The following LACRT variants were observed in gnomAD, a reference collection of about 807,000 sequenced individuals.
LACRT encodes the protein extracellular glycoprotein lacritin.
A neutral mutation model predicts 14.5 loss-of-function variants in LACRT; 14 were observed. The observed-to-expected ratio is 0.96, with a 90% confidence interval of 0.64 to 1.51. The LOEUF (loss-of-function observed/expected upper bound fraction) is 1.51, where lower values mean the gene tolerates loss of function less well. LACRT is among the 40% of genes most tolerant of loss of function. LACRT has a pLI of 0.00. For missense variants in LACRT, 156 were observed against 161.8 expected, an observed-to-expected ratio of 0.96 and a Z score of 0.19; for synonymous variants, 70 against 63.5, an observed-to-expected ratio of 1.10 and a Z score of -0.48.
chr12:54,632,594 G>C (rs1216897921), intron 2 of LACRT, among the ~76,000 whole-genome samples: 2 of 152,142 alleles, frequency 1.3e-5, no homozygotes, highest in Non-Finnish European at 1.5e-5. Context: ...ATTTGGACTA[G>C]GGGATGGTGA....
chr12:54,633,375 C>A (rs141197125), intron 1 of LACRT, 142 bp from the exon 2 acceptor site: 383 of 713,588 alleles, frequency 5.4e-4, no homozygotes, highest in African/African-American at 4.4e-3. Flanking sequence ...GTTGGACATG[C>A]CCTTCCACCA....
At chr12:54,634,287 T>A (rs1184160099) in intron 1 of LACRT, among the ~76,000 whole-genome samples, 1 of 147,100 alleles carries the variant, frequency 6.8e-6, no homozygotes, top group Non-Finnish European at 1.5e-5. Flanking sequence ...AGGAGGTGGA[T>A]GTTGCAGTGA....
In LACRT at chr12:54,632,395, A is replaced by G. The variant is rs764453594; in HGVS notation, c.113-14T>C. On this transcript the variant is annotated splice_polypyrimidine_tract_variant and intron_variant, in intron 2 of 4. Transcript: ENST00000257867. ...CATTAGGCTTAGCTGTGAATGCACA[A>G]ATTGATGGATTTTAGCAAAGTGAAA... 5.6e-6 allele frequency: 9 copies of G among 1,612,498 alleles called. No homozygotes were observed. Among genetic ancestry groups the G allele is most frequent in the Admixed American group, 1.7e-5 (1 of 59,768 alleles).
intron 1 of LACRT, among the ~76,000 whole-genome samples, chr12:54,634,184 C>T (rs1320452102): frequency 2.0e-5 from 3 of 152,052 alleles, no homozygotes; most frequent in Non-Finnish European, 4.4e-5. Context: ...GAAACACCGT[C>T]TCTACTAAAA....
At position 54,634,090 on chromosome 12, in the gene LACRT, C is replaced by T. The variant is rs140588783; in HGVS notation, c.58+694G>A. 8.4e-3 allele frequency among the ~76,000 whole-genome samples: 1,279 copies of T among 152,202 alleles called. 17 individuals carry two copies. Among genetic ancestry groups the T allele is most frequent in the African/African-American group, 0.029 (1,184 of 41,532 alleles). ...CATCCCAGCAGGGCACGGTGGCTCACGCCTGTAATTCCAACACTTTGGGAG... is the reference window on the plus strand; with the variant it reads ...CATCCCAGCAGGGCACGGTGGCTCATGCCTGTAATTCCAACACTTTGGGAG... On this transcript the variant is annotated intron_variant, in intron 1 of 4. Transcript: ENST00000257867.
intron 1 of LACRT, 148 bp downstream of exon 1, chr12:54,634,636 C>T (rs1958176068): frequency 1.3e-6 from 1 of 772,300 alleles, no homozygotes; most frequent in Non-Finnish European, 2.2e-6. Flanking sequence ...GTGCAGAGGC[C>T]ACGTGTGGAG....
chr12:54,632,472 G>A, intron 2 of LACRT, 91 bp from the exon 3 acceptor site: 1 of 1,439,822 alleles, frequency 6.9e-7, no homozygotes. Context: ...CCTAATGTGT[G>A]CTGGGTGCCA....
intron 1 of LACRT, among the ~76,000 whole-genome samples, chr12:54,634,158 A>G (rs948066227): frequency 4.6e-5 from 7 of 152,006 alleles, no homozygotes; most frequent in Admixed American, 1.3e-4. Context: ...TTCGAGACCA[A>G]CCTGGCCAAC....
rs1958178093 is a variant in LACRT, at chr12:54,634,884, G to A, written c.-43C>T. The A allele has an allele frequency of 6.6e-7, 1 of 1,524,060 alleles. No homozygotes were observed. Among genetic ancestry groups the A allele is most frequent in the Non-Finnish European group, 9.1e-7 (1 of 1,098,122 alleles). The allele number at this position is 1,524,060 out of a possible 1,614,324, so 94.4% of individuals were successfully genotyped here. On this transcript the variant is annotated 5_prime_UTR_variant, in exon 1 of 5. Transcript: ENST00000257867. The stretch of plus-strand genomic sequence containing the variant: ...GAGTATAACCACAGAATCTGCAGAA[G>A]GTCTGGGGAATAAGGATGCTGAAAT...
At position 54,633,223 on chromosome 12, in the gene LACRT, G is replaced by C; in HGVS notation, c.69C>G (p.Ser23=). The part of the protein sequence containing the change: ...AGALVYAEDA[S]SDSTGADPAQ... ...CAGGATCAGCACCCGTCGAGTCAGA[G>C]GAGGCATCTTCTGCAATGGGGGAAA... Residue 23 remains serine, a synonymous_variant, in exon 2 of 5, where the codon TCC becomes TCG. Transcript: ENST00000257867. 1 of 1,613,892 alleles carries C rather than the reference G, an allele frequency of 6.2e-7. No individual in the cohort carries two copies. The highest frequency in any genetic ancestry group is 8.5e-7 in the Non-Finnish European group (1 of 1,179,896).
chr12:54,634,690 G>T, intron 1 of LACRT, 94 bp downstream of exon 1: 1 of 1,182,840 alleles, frequency 8.5e-7, no homozygotes, highest in Non-Finnish European at 1.3e-6. Flanking sequence ...AACCAGAATA[G>T]CACTGAGAGA....
chr12:54,631,442 T>C (rs561555107), intron 4 of LACRT, among the ~76,000 whole-genome samples: 20 of 152,306 alleles, frequency 1.3e-4, no homozygotes, highest in African/African-American at 4.8e-4. Flanking sequence ...GGTATCGCCA[T>C]GTTGCCCAGG....
At chr12:54,631,971 G>C in intron 3 of LACRT, 132 bp from the exon 4 acceptor site, 1 of 652,810 alleles carries the variant, frequency 1.5e-6, no homozygotes, top group South Asian at 1.8e-5. Context: ...AAGTCCTAAA[G>C]TGCAGAAGTT....
At position 54,632,285 on chromosome 12, in the gene LACRT, C is replaced by T. The variant is rs763824465; in HGVS notation, c.209G>A (p.Gly70Glu). 69 of 1,613,988 alleles carry T rather than the reference C, an allele frequency of 4.3e-5. No homozygotes were observed. Among genetic ancestry groups the T allele is most frequent in the Non-Finnish European group, 5.7e-5 (67 of 1,179,998 alleles). ...CCTGCTTGAGGTGACCTTGGCTGTC[C>T]CCTGAACTGCTGCCGCCGAAGTCTC... ...AQETSAAAVQGTAKVTSSRQE... is the reference protein window; with the variant it reads ...AQETSAAAVQETAKVTSSRQE... The change falls in exon 3 of 5, where the codon GGG (glycine) becomes GAG (glutamate). Residue 70 changes from glycine (G) to glutamate (E), a missense_variant. Transcript: ENST00000257867.
chr12:54,634,169 A>G (rs574678801), intron 1 of LACRT, among the ~76,000 whole-genome samples: 4 of 152,258 alleles, frequency 2.6e-5, no homozygotes, highest in Admixed American at 2.0e-4. Flanking sequence ...CCTGGCCAAC[A>G]TGGTGAAACA....
At chr12:54,632,160 C>T (rs1344281489) in intron 3 of LACRT, 81 bp downstream of exon 3, 9 of 1,525,320 alleles carry the variant, frequency 5.9e-6, no homozygotes, top group Non-Finnish European at 8.1e-6. Flanking sequence ...CCAGGCTTAT[C>T]TCTGTGCGTG....
intron 2 of LACRT, among the ~76,000 whole-genome samples, chr12:54,632,869 T>G (rs945671122): frequency 2.0e-5 from 3 of 152,066 alleles, no homozygotes; most frequent in African/African-American, 7.2e-5. Flanking sequence ...TGTTTGCAGG[T>G]GAAGGTATTA....
At chr12:54,632,669 A>G (rs1958160934) in intron 2 of LACRT, among the ~76,000 whole-genome samples, 1 of 152,100 alleles carries the variant, frequency 6.6e-6, no homozygotes, top group African/African-American at 2.4e-5. Context: ...GAGAGGATGT[A>G]CCAAAGGGGC....
At chr12:54,631,961 A>G in intron 3 of LACRT, 122 bp from the exon 4 acceptor site, 3 of 534,190 alleles carry the variant, frequency 5.6e-6, no homozygotes, top group Non-Finnish European at 9.8e-6. Flanking sequence ...TCCCTACAGA[A>G]AGTCCTAAAG....
Sources: allele counts gnomAD v4.1 joint callset (sites outside exome capture counted in the v4.1 genomes callset), GRCh38; gene constraint gnomAD v4.1.1; transcripts MANE v1.5; gene names NCBI Gene and HGNC (gene_info 2026-07-23, HGNC 2026-07-21).